The following RBM26 variants were observed in gnomAD, a reference collection of about 807,000 sequenced individuals.
RBM26 encodes the protein RNA-binding protein 26.
Under a neutral mutation model 123.6 loss-of-function variants are expected in RBM26, and 30 were observed. The ratio of observed to expected loss-of-function variants is 0.24; its 90% CI spans 0.18 to 0.33. RBM26 has a LOEUF of 0.33. Among genes scored for constraint, RBM26 ranks in the 10% least tolerant of loss-of-function variants. RBM26 has a pLI of 1.00. For synonymous variants in RBM26, 400 were observed against 404.4 expected (o/e 0.99, Z 0.13); for missense variants, 947 against 1,203.6 (o/e 0.79, Z 3.15).
At chr13:79,355,450 C>G in intron 11 of RBM26, 66 bp from the exon 12 acceptor site, 1 of 1,296,018 alleles carries the variant, frequency 7.7e-7, no homozygotes, top group South Asian at 1.3e-5. Flanking sequence ...GAGTAAAATT[C>G]CCCAGTAAGT....
In RBM26 at chr13:79,344,692, T is replaced by A. The variant is rs1418865604; in HGVS notation, c.2161A>T (p.Asn721Tyr). The change falls in exon 15 of 22, where the codon AAT becomes TAT. Residue 721 changes from asparagine (N) to tyrosine (Y), a missense_variant. Around this residue, in one of 5 missense-constraint regions of RBM26, gnomAD observed 493 missense variants for 563.1 expected, o/e 0.88. Coordinates refer to ENST00000438737, the MANE Select transcript of RBM26 (RefSeq NM_001366735.2). ...ACCTGTTTTTTTTTCTGTGCTTCAT[T>A]ATTATCAACTGCAGAGGTGGAAACA... ...LLVSTSAVDN[N>Y]EAQKKKQEAL... 3.7e-6 allele frequency: 6 copies of A among 1,612,794 alleles called. No homozygotes were observed.
intron 1 of RBM26, among the ~76,000 whole-genome samples, chr13:79,389,197 C>CA (rs1158284680): frequency 4.0e-5 from 6 of 151,864 alleles, no homozygotes; most frequent in African/African-American, 1.2e-4. Flanking sequence ...CTCTTTGAAA[C>CA]AAAAAACAAA....
chr13:79,358,478 C>G, intron 10 of RBM26, 45 bp from the exon 11 acceptor site: 1 of 1,498,220 alleles, frequency 6.7e-7, no homozygotes, highest in Non-Finnish European at 9.1e-7. Flanking sequence ...TAAATCCTGA[C>G]CCTAACCAAA....
At chr13:79,377,539 A>C in intron 2 of RBM26, 24 bp from the exon 3 acceptor site, 1 of 1,555,810 alleles carries the variant, frequency 6.4e-7, no homozygotes, top group Non-Finnish European at 8.8e-7. Flanking sequence ...CAAACACCAT[A>C]GATTAAAACA....
At chr13:79,379,799 C>T (rs983918257) in intron 1 of RBM26, among the ~76,000 whole-genome samples, 4 of 150,760 alleles carry the variant, frequency 2.7e-5, no homozygotes, top group Admixed American at 2.0e-4. Context: ...AGTGTTTTTA[C>T]CGAGACTAAC....
intron 11 of RBM26, among the ~76,000 whole-genome samples, chr13:79,357,703 C>T (rs1349421992): frequency 6.6e-6 from 1 of 152,104 alleles, no homozygotes; most frequent in Non-Finnish European, 1.5e-5. Flanking sequence ...AACTGAGGAA[C>T]TGAAAACTAT....
At chr13:79,384,796 A>AGGTT (rs1413207112) in intron 1 of RBM26, among the ~76,000 whole-genome samples, 2 of 152,316 alleles carry the variant, frequency 1.3e-5, no homozygotes, top group African/African-American at 4.8e-5. Flanking sequence ...CTGGAAATAA[A>AGGTT]GGTTGTACTA....
chr13:79,380,429 C>T (rs1329752661), intron 1 of RBM26, among the ~76,000 whole-genome samples: 6 of 150,922 alleles, frequency 4.0e-5, no homozygotes, highest in Non-Finnish European at 5.9e-5. Flanking sequence ...AAATAAACTA[C>T]GGCTATCTGG....
At chr13:79,338,197 G>A (rs1398223229) in intron 18 of RBM26, among the ~76,000 whole-genome samples, 1 of 152,170 alleles carries the variant, frequency 6.6e-6, no homozygotes. Flanking sequence ...GGGCGACAGA[G>A]CAAGATTCCA....
chr13:79,400,457 A>G (rs1275669517), intron 1 of RBM26, among the ~76,000 whole-genome samples: 1 of 152,226 alleles, frequency 6.6e-6, no homozygotes, highest in Admixed American at 6.5e-5. Context: ...TTATAAAGGC[A>G]TTAATCCAAT....
intron 14 of RBM26, among the ~76,000 whole-genome samples, chr13:79,349,630 C>G (rs1045079512): frequency 1.3e-5 from 2 of 151,240 alleles, no homozygotes; most frequent in Non-Finnish European, 2.9e-5. Context: ...TCCTGAGAGG[C>G]CACTGAATTA....
chr13:79,358,460 T>C (rs749278495), intron 10 of RBM26, 27 bp from the exon 11 acceptor site: 2 of 1,586,722 alleles, frequency 1.3e-6, no homozygotes, highest in Non-Finnish European at 8.6e-7. Flanking sequence ...AGTTAGTCAA[T>C]ACATTTATAA....
chr13:79,324,114 A>T (rs1028539190), intron 20 of RBM26, among the ~76,000 whole-genome samples: 3 of 151,804 alleles, frequency 2.0e-5, no homozygotes, highest in Non-Finnish European at 4.4e-5. Flanking sequence ...AATGTAAAAA[A>T]GCAGTCCATG....
rs752075655 is a variant in RBM26, at chr13:79,359,674, T to C, written c.1430A>G (p.Asn477Ser). 25 of 1,550,870 alleles carry C rather than the reference T, an allele frequency of 1.6e-5. No homozygotes were observed. The East Asian group carries it at 2.3e-4, about 15-fold the overall frequency. ...MDLPPREKPPNKSSMRIVVDS... is the reference protein window; with the variant it reads ...MDLPPREKPPSKSSMRIVVDS... ...CACTACTATCCTCATACTGCTTTTA[T>C]TGGGAGGCTTTTCTGTTTTAAAACA... Residue 477 changes from asparagine (N) to serine (S), a missense_variant, in exon 10 of 22, where the codon AAT becomes AGT. Coordinates refer to ENST00000438737, the MANE Select transcript of RBM26 (RefSeq NM_001366735.2).
rs370033310 is a variant in RBM26, at chr13:79,337,216, C to G, written c.2619G>C (p.Gly873=). Residue 873 remains glycine (G), a synonymous_variant, in exon 19 of 22, where the codon GGG becomes GGC. Coordinates refer to ENST00000438737, the MANE Select transcript of RBM26 (RefSeq NM_001366735.2). ...GRGAVHGRGR[G]RGRGRGVPGH... Reference sequence around the variant, plus strand: ...CAGGCACACCTCGCCCTCGCCCTCGCCCCCTGCCTCGGCCATGAACTGCAC... The same window carrying G: ...CAGGCACACCTCGCCCTCGCCCTCGGCCCCTGCCTCGGCCATGAACTGCAC... 4 of 1,614,122 alleles carry G rather than the reference C, an allele frequency of 2.5e-6. No individual in the cohort carries two copies. The Admixed American group carries it at 6.7e-5, about 27-fold the overall frequency.
At chr13:79,353,462 G>A (rs1197339742) in intron 13 of RBM26, among the ~76,000 whole-genome samples, 3 of 152,148 alleles carry the variant, frequency 2.0e-5, no homozygotes, top group Admixed American at 6.6e-5. Flanking sequence ...TCTGAGCCAC[G>A]TGGTTGCTAA....
chr13:79,331,406 G>T (rs1417504356), intron 20 of RBM26, among the ~76,000 whole-genome samples: 1 of 150,328 alleles, frequency 6.7e-6, no homozygotes, highest in Non-Finnish European at 1.5e-5. Context: ...GGATCACGAG[G>T]TCAGGAGATC....
At chr13:79,391,700 A>G (rs1355145846) in intron 1 of RBM26, among the ~76,000 whole-genome samples, 1 of 152,172 alleles carries the variant, frequency 6.6e-6, no homozygotes, top group Non-Finnish European at 1.5e-5. Flanking sequence ...CTGGGATTAC[A>G]GGCGTGAGCC....
chr13:79,347,632 A>G (rs1447828873), intron 14 of RBM26, among the ~76,000 whole-genome samples: 1 of 151,990 alleles, frequency 6.6e-6, no homozygotes, highest in African/African-American at 2.4e-5. Context: ...TAATTTTTAC[A>G]TATTTACTTC....
Sources: gnomAD v4.1 joint callset for allele counts (sites outside exome capture counted in the v4.1 genomes callset) on GRCh38, gnomAD v4.1.1 for gene constraint, gnomAD v4.1.1 regional missense constraint, MANE v1.5 for transcripts, NCBI Gene and HGNC (gene_info 2026-07-23, HGNC 2026-07-21) for gene names.